Variants in MXI1 observed in about 807,000 individuals in gnomAD.
MXI1 encodes the protein max-interacting protein 1.
MXI1 carries 18 observed loss-of-function variants against 36.9 expected under a neutral mutation model. The ratio of observed to expected loss-of-function variants is 0.49; its 90% CI spans 0.34 to 0.72. The LOEUF is 0.72. MXI1 is among the 30% of genes least tolerant of loss of function. MXI1 has a pLI of 0.01. For synonymous variants in MXI1, 160 were observed against 146.7 expected (o/e 1.09, Z -0.65); for missense variants, 304 against 379.1 (o/e 0.80, Z 1.64).
At chr10:110,226,286 A>G in intron 1 of MXI1, 2 of 1,489,908 alleles carry the variant, frequency 1.3e-6, no homozygotes. Flanking sequence ...GGAGCGAGGT[A>G]ATGGCTGGGC....
At chr10:110,229,976 A>G (rs1855202504) in intron 2 of MXI1, among the ~76,000 whole-genome samples, 1 of 152,148 alleles carries the variant, frequency 6.6e-6, no homozygotes, top group African/African-American at 2.4e-5. Context: ...ATTTCAGTAC[A>G]TTTCCCATCC....
chr10:110,216,023 T>A (rs1028875396), intron 1 of MXI1, among the ~76,000 whole-genome samples: 1 of 152,244 alleles, frequency 6.6e-6, no homozygotes, highest in African/African-American at 2.4e-5. Flanking sequence ...CTAGAGGTGT[T>A]AAAGCTGTCA....
At chr10:110,242,721 T>C (rs1855715812) in intron 2 of MXI1, among the ~76,000 whole-genome samples, 1 of 152,024 alleles carries the variant, frequency 6.6e-6, no homozygotes, top group Non-Finnish European at 1.5e-5. Flanking sequence ...GAGCTAGCTT[T>C]GATAATAGAC....
intron 1 of MXI1, among the ~76,000 whole-genome samples, chr10:110,217,258 C>T (rs1403585110): frequency 3.3e-5 from 5 of 152,100 alleles, no homozygotes; most frequent in African/African-American, 4.8e-5. Flanking sequence ...ACACACTGTC[C>T]GGAGGGAGAG....
intron 1 of MXI1, chr10:110,227,957 G>A: frequency 2.0e-6 from 1 of 501,274 alleles, no homozygotes; most frequent in Non-Finnish European, 3.6e-6. Flanking sequence ...TTTGGAAAGG[G>A]GGGATAAACT....
intron 1 of MXI1, among the ~76,000 whole-genome samples, chr10:110,213,818 G>A (rs1376983935): frequency 1.3e-5 from 2 of 152,240 alleles, no homozygotes; most frequent in African/African-American, 4.8e-5. Flanking sequence ...GGAGATGCCT[G>A]GGCAAAAGTC....
chr10:110,213,194 A>T (rs1018100315), intron 1 of MXI1, among the ~76,000 whole-genome samples: 4 of 152,188 alleles, frequency 2.6e-5, no homozygotes, highest in African/African-American at 9.7e-5. Flanking sequence ...CATCCTGTGA[A>T]CAGCTGTGAC....
At chr10:110,230,860 G>A (rs1855232083) in intron 2 of MXI1, among the ~76,000 whole-genome samples, 1 of 152,214 alleles carries the variant, frequency 6.6e-6, no homozygotes, top group Non-Finnish European at 1.5e-5. Flanking sequence ...ACAAGGAAAG[G>A]AATGGACTTC....
intron 5 of MXI1, among the ~76,000 whole-genome samples, chr10:110,282,483 T>C (rs1294441886): frequency 6.6e-6 from 1 of 152,212 alleles, no homozygotes; most frequent in Non-Finnish European, 1.5e-5. Context: ...CAGTGAAATA[T>C]AGCAGAAATA....
chr10:110,230,210 G>A (rs1163649811), intron 2 of MXI1, among the ~76,000 whole-genome samples: 5 of 152,136 alleles, frequency 3.3e-5, no homozygotes, highest in Admixed American at 6.5e-5. Context: ...TTATGTTACC[G>A]GTCATTAATA....
At chr10:110,267,952 T>C (rs1856732755) in intron 3 of MXI1, among the ~76,000 whole-genome samples, 1 of 152,238 alleles carries the variant, frequency 6.6e-6, no homozygotes, top group Non-Finnish European at 1.5e-5. Context: ...CAGTTGTTGG[T>C]GATCCTGAAA....
chr10:110,250,850 A>G (rs557343445), intron 3 of MXI1, among the ~76,000 whole-genome samples: 1 of 147,424 alleles, frequency 6.8e-6, no homozygotes, highest in Non-Finnish European at 1.5e-5. Flanking sequence ...AAAAAAAAAT[A>G]ACAACTTTAA....
intron 1 of MXI1, among the ~76,000 whole-genome samples, chr10:110,209,869 G>A (rs1009786066): frequency 4.6e-5 from 7 of 152,088 alleles, no homozygotes; most frequent in African/African-American, 1.4e-4. Flanking sequence ...CTGACTAGGG[G>A]TACACCCCAT....
chr10:110,236,208 T>A (rs1855471788), intron 2 of MXI1, among the ~76,000 whole-genome samples: 1 of 141,120 alleles, frequency 7.1e-6, no homozygotes, highest in Non-Finnish European at 1.6e-5. Flanking sequence ...TTGAAAAGAC[T>A]ATACTTTATT....
intron 1 of MXI1, among the ~76,000 whole-genome samples, chr10:110,224,809 G>A (rs1265966155): frequency 2.6e-5 from 4 of 151,936 alleles, no homozygotes; most frequent in Non-Finnish European, 5.9e-5. Context: ...CACCATGCCC[G>A]GCTAATTTTT....
At chr10:110,284,133 TG>T (rs1385382319) in intron 5 of MXI1, among the ~76,000 whole-genome samples, 5 of 151,676 alleles carry the variant, frequency 3.3e-5, no homozygotes, top group South Asian at 4.2e-4. Context: ...GTATTTGTGG[TG>T]TTTTTTTTTT....
chr10:110,284,826 G>T lies in MXI1; in HGVS notation c.727G>T (p.Glu243Ter). The T allele has an allele frequency of 6.3e-7, 1 of 1,596,648 alleles. No individual in the cohort carries two copies. Among genetic ancestry groups the T allele is most frequent in the African/African-American group, 1.4e-5 (1 of 73,494 alleles). The change falls in exon 6 of 6, where the codon GAG (glutamate) becomes TAG (stop). Residue 243 changes from glutamate to a stop codon, truncating the protein, a stop_gained and splice_region_variant. Coordinates refer to ENST00000332674, the MANE Select transcript of MXI1 (RefSeq NM_130439.3). LOFTEE classifies it high-confidence loss of function. ...CTTTTTTTTTTTTCCTTTGGCAGAG[G>T]AGATTGAAGTGGATGTTGAAAGCAC... ...SSDRSDSERE[E>*]IEVDVESTEF...
At chr10:110,282,939 A>C (rs1857307388) in intron 5 of MXI1, among the ~76,000 whole-genome samples, 1 of 152,054 alleles carries the variant, frequency 6.6e-6, no homozygotes, top group Admixed American at 6.5e-5. Context: ...TGGCTTCCCA[A>C]AGTGCTGGGA....
intron 3 of MXI1, chr10:110,260,892 A>T: frequency 5.6e-6 from 3 of 538,082 alleles, no homozygotes; most frequent in Non-Finnish European, 7.1e-6. Flanking sequence ...TTATTGTGTT[A>T]TAACTTCTGG....
Sources: allele counts gnomAD v4.1 joint callset (sites outside exome capture counted in the v4.1 genomes callset), GRCh38; gene constraint gnomAD v4.1.1; transcripts MANE v1.5; gene names NCBI Gene and HGNC (gene_info 2026-07-23, HGNC 2026-07-21).